Variants in XPO4 observed in about 807,000 individuals in gnomAD.
XPO4 encodes exportin 4, also known as exportin-4.
In XPO4, 39 loss-of-function variants were observed where a neutral mutation model predicts 143.0. The ratio of observed to expected loss-of-function variants is 0.27; its 90% CI spans 0.21 to 0.36. XPO4 has a LOEUF of 0.36. Among genes scored for constraint, XPO4 ranks in the 10% least tolerant of loss-of-function variants. The pLI is 1.00. For synonymous variants in XPO4, 439 were observed against 474.0 expected, an observed-to-expected ratio of 0.93 and a Z score of 0.96; for missense variants, 907 against 1,348.0, an observed-to-expected ratio of 0.67 and a Z score of 5.12.
At chr13:20,861,631 T>C (rs949322026) in intron 3 of XPO4, among the ~76,000 whole-genome samples, 3 of 152,018 alleles carry the variant, frequency 2.0e-5, no homozygotes, top group African/African-American at 7.2e-5. Context: ...GAAATAAATG[T>C]ACATAATTTT....
intron 4 of XPO4, among the ~76,000 whole-genome samples, chr13:20,844,930 G>A (rs915683412): frequency 4.6e-5 from 7 of 152,280 alleles, no homozygotes; most frequent in African/African-American, 1.7e-4. Context: ...CCAACACTTT[G>A]GGAGGCCGAG....
rs58835570 is a variant in XPO4 at position 20,889,368 on chromosome 13, T to C, written c.69+13302A>G. 9.1e-3 allele frequency among the ~76,000 whole-genome samples: 1,389 copies of C among 152,308 alleles called. 26 individuals carry two copies. The highest frequency in any genetic ancestry group is 0.032 in the African/African-American group (1,333 of 41,544). The stretch of plus-strand genomic sequence containing the variant: ...GATCACGTAAGTGTCATCTCAGACC[T>C]TGAGTCTTCAGATGATGATGTTATA... On this transcript the variant is annotated intron_variant, in intron 1 of 22. Transcript: ENST00000255305.
chr13:20,843,518 G>T (rs1342060878), intron 5 of XPO4, among the ~76,000 whole-genome samples: 1 of 150,294 alleles, frequency 6.7e-6, no homozygotes, highest in East Asian at 1.9e-4. Context: ...AACACAATAA[G>T]AAATAAATAA....
chr13:20,859,813 GA>G (rs759821544), intron 3 of XPO4: 71 of 904,976 alleles, frequency 7.8e-5, no homozygotes, highest in South Asian at 1.0e-4. Flanking sequence ...AAATAAAAAG[GA>G]AAAAAAAAGA....
At chr13:20,894,967 C>G (rs565829777) in intron 1 of XPO4, among the ~76,000 whole-genome samples, 3 of 152,088 alleles carry the variant, frequency 2.0e-5, no homozygotes, top group African/African-American at 7.2e-5. Context: ...CACCTGAGGT[C>G]AGGAGTTTGA....
chr13:20,789,395 C>CT (rs35527944), intron 19 of XPO4, among the ~76,000 whole-genome samples: 41,789 of 134,736 alleles, frequency 0.31, 8,283 homozygotes, highest in East Asian at 0.77. Context: ...TCAGCCTCTA[C>CT]TTTTTTTTTT....
At chr13:20,867,553 C>G (rs1041417580) in intron 2 of XPO4, among the ~76,000 whole-genome samples, 2 of 152,306 alleles carry the variant, frequency 1.3e-5, no homozygotes, top group South Asian at 4.1e-4. Context: ...GGGAGGTGAA[C>G]TGACTTCCTC....
chr13:20,796,089 A>G lies in XPO4; in HGVS notation c.2784T>C (p.Asp928=), dbSNP rs770457682. 1.1e-5 allele frequency: 18 copies of G among 1,611,290 alleles called. No individual in the cohort carries two copies. The East Asian group carries it at 3.8e-4, about 34-fold the overall frequency. Reference sequence around the variant, plus strand: ...GTTACATTTTACCTGTATCACTGAAATCTATGAATTCTTTTGACAGCAGGT... The same window carrying G: ...GTTACATTTTACCTGTATCACTGAAGTCTATGAATTCTTTTGACAGCAGGT... ...LTNLLSKEFI[D]FSDTDEVFRG... is the part of the protein sequence containing the mutation. Residue 928 remains aspartate, a synonymous_variant, in exon 18 of 23, where the codon GAT becomes GAC. Transcript: ENST00000255305.
Position 20,803,439 on chromosome 13 carries a change from T to C in XPO4, c.1818-2449A>G. ...CAATGAAAGAACCACTCAGCCTGAG[T>C]CAGGCAGGTCCAGGGGAGGCACCCA... On this transcript the variant is annotated intron_variant, in intron 13 of 22. Transcript: ENST00000255305. This position sits in a 1 kb window ranked among gnomAD's most constrained non-coding sequence, Gnocchi z 4.1. Among the ~76,000 whole-genome samples the C allele has an allele frequency of 6.6e-6, 1 of 152,124 alleles. No individual in the cohort carries two copies. Among genetic ancestry groups the C allele is most frequent in the Non-Finnish European group, 1.5e-5 (1 of 68,016 alleles).
intron 7 of XPO4, 69 bp from the exon 8 acceptor site, chr13:20,822,358 C>T (rs1315814737): frequency 1.3e-5 from 17 of 1,358,492 alleles, no homozygotes; most frequent in East Asian, 1.2e-4. Context: ...TCTACCATGC[C>T]GAATGAGGTA....
intron 7 of XPO4, among the ~76,000 whole-genome samples, chr13:20,826,037 G>A (rs976690824): frequency 2.6e-5 from 4 of 152,110 alleles, no homozygotes; most frequent in African/African-American, 9.7e-5. Context: ...TTGGGATTAA[G>A]CAAAATAGCT....
chr13:20,833,802 G>A (rs558758259), intron 6 of XPO4, among the ~76,000 whole-genome samples: 4 of 152,272 alleles, frequency 2.6e-5, no homozygotes, highest in African/African-American at 7.2e-5. Context: ...GACCCAGGCA[G>A]AGAAGCAGTG....
chr13:20,832,494 TTACAATATAGAAAGATCTTG>T (rs2059865373), intron 6 of XPO4, among the ~76,000 whole-genome samples: 1 of 152,180 alleles, frequency 6.6e-6, no homozygotes, highest in Non-Finnish European at 1.5e-5. Flanking sequence ...TATAATTACT[TTACAATATAGAAAGATCTTG>T]TAGCAACAAT....
chr13:20,900,717 T>C (rs1424332481), intron 1 of XPO4, among the ~76,000 whole-genome samples: 2 of 151,854 alleles, frequency 1.3e-5, no homozygotes, highest in East Asian at 3.9e-4. Flanking sequence ...GTTCAAGCGA[T>C]TCTCCTGTCT....
At chr13:20,851,900 T>C (rs2060093668) in intron 4 of XPO4, 1 of 985,188 alleles carries the variant, frequency 1.0e-6, no homozygotes, top group South Asian at 4.7e-5. Context: ...AGAAGATCAG[T>C]TATTTCAGTG....
chr13:20,857,986 A>G (rs771379962), intron 3 of XPO4: 18 of 985,038 alleles, frequency 1.8e-5, no homozygotes, highest in Non-Finnish European at 2.2e-5. Flanking sequence ...TACATAGCCT[A>G]TAGTATTCTA....
intron 7 of XPO4, among the ~76,000 whole-genome samples, chr13:20,824,035 A>G (rs747190344): frequency 2.6e-5 from 4 of 152,248 alleles, no homozygotes; most frequent in Non-Finnish European, 5.9e-5. Flanking sequence ...CTGCTTCTGT[A>G]CTACAATGGC....
chr13:20,809,986 C>T lies in XPO4; in HGVS notation c.1174-19G>A. 6.3e-7 allele frequency: 1 copy of T among 1,575,812 alleles called. No individual in the cohort carries two copies. The highest frequency in any genetic ancestry group is 8.6e-7 in the Non-Finnish European group (1 of 1,161,274). On this transcript the variant is annotated intron_variant, in intron 9 of 22. Coordinates refer to ENST00000255305, the MANE Select transcript of XPO4 (RefSeq NM_022459.5). ...TATCAAGCTAAAAGAAAAGAACACT[C>T]ATAAAACAAATGTCCAGAGAACGAC...
chr13:20,813,695 T>A (rs748462403), intron 9 of XPO4, among the ~76,000 whole-genome samples: 1 of 152,142 alleles, frequency 6.6e-6, no homozygotes, highest in Non-Finnish European at 1.5e-5. Flanking sequence ...TGGTGGCTCA[T>A]GCCTGTAATC....
Sources: allele counts gnomAD v4.1 joint callset (sites outside exome capture counted in the v4.1 genomes callset), GRCh38; gene constraint gnomAD v4.1.1; non-coding constraint Gnocchi (gnomAD v3.1); transcripts MANE v1.5; gene names NCBI Gene and HGNC (gene_info 2026-07-23, HGNC 2026-07-21).